The following BCAS3 variants were observed in gnomAD, a reference collection of about 807,000 sequenced individuals.
BCAS3 encodes the protein BCAS3 microtubule associated cell migration factor.
Under a neutral mutation model 116.1 loss-of-function variants are expected in BCAS3, and 53 were observed. The ratio of observed to expected loss-of-function variants is 0.46; its 90% confidence interval spans 0.37 to 0.57. BCAS3 has a LOEUF of 0.57. BCAS3 is among the 20% of genes least tolerant of loss of function. BCAS3 has a pLI of 0.00. For missense variants in BCAS3, 917 were observed against 1,165.4 expected, an observed-to-expected ratio of 0.79 and a Z score of 3.10; for synonymous variants, 391 against 408.2, an observed-to-expected ratio of 0.96 and a Z score of 0.51.
At chr17:60,876,515 T>C (rs1477084789) in intron 9 of BCAS3, among the ~76,000 whole-genome samples, 1 of 152,132 alleles carries the variant, frequency 6.6e-6, no homozygotes, top group Non-Finnish European at 1.5e-5. Context: ...TCCCACTGTC[T>C]GTTTGTAGAA....
chr17:61,359,257 A>G lies in BCAS3; in HGVS notation c.2426-9070A>G, dbSNP rs118182423. Among the ~76,000 whole-genome samples the G allele has an allele frequency of 3.3e-3, 505 of 152,260 alleles. 2 individuals are homozygous for G. The highest frequency in any genetic ancestry group is 4.9e-3 in the Non-Finnish European group (336 of 68,008). ...TACAGAGCCCTGGGGTAATCCTCTA[A>G]TTTTGAATGGGCCTGTGTAGCTTAC... On this transcript the variant is annotated intron_variant, in intron 22 of 23. Transcript: ENST00000407086.
At chr17:61,116,502 C>T (rs1402429720) in intron 22 of BCAS3, among the ~76,000 whole-genome samples, 1 of 152,040 alleles carries the variant, frequency 6.6e-6, no homozygotes, top group Non-Finnish European at 1.5e-5. Context: ...TTGTTTTTGC[C>T]TCAACTCTCA....
chr17:60,684,117 T>A, intron 3 of BCAS3, 81 bp downstream of exon 3: 1 of 1,291,002 alleles, frequency 7.7e-7, no homozygotes, highest in Non-Finnish European at 1.1e-6. Context: ...TTGACACTAG[T>A]ACCAGCAACT....
chr17:60,740,116 C>T (rs1334360429), intron 5 of BCAS3, among the ~76,000 whole-genome samples: 1 of 151,880 alleles, frequency 6.6e-6, no homozygotes, highest in Non-Finnish European at 1.5e-5. Context: ...CTGAGCTTAC[C>T]AGTTCTGATT....
At chr17:60,857,649 T>C (rs2053793657) in intron 7 of BCAS3, among the ~76,000 whole-genome samples, 1 of 152,200 alleles carries the variant, frequency 6.6e-6, no homozygotes, top group African/African-American at 2.4e-5. Context: ...AAGATTGTCT[T>C]GCTATGTTCC....
chr17:60,684,301 T>G (rs1296979348), intron 3 of BCAS3, among the ~76,000 whole-genome samples: 2 of 152,148 alleles, frequency 1.3e-5, no homozygotes, highest in African/African-American at 2.4e-5. Context: ...ACCTGGGACT[T>G]TCTTTCTTAG....
At chr17:60,683,292 G>C (rs1015759083) in intron 2 of BCAS3, among the ~76,000 whole-genome samples, 2 of 152,160 alleles carry the variant, frequency 1.3e-5, no homozygotes, top group African/African-American at 4.8e-5. Context: ...GCATTCTTCT[G>C]CTCTGACTCA....
Position 61,244,928 on chromosome 17 carries a change from A to G in BCAS3, c.2426-123399A>G, listed in dbSNP as rs2047815463. Reference sequence around the variant, plus strand: ...GCAATTTTTTAAAGATTTAACTGCAATTGCATAGTATTTTGTGATTTCATT... The same window carrying G: ...GCAATTTTTTAAAGATTTAACTGCAGTTGCATAGTATTTTGTGATTTCATT... On this transcript the variant is annotated intron_variant, in intron 22 of 23. Coordinates refer to ENST00000407086, the MANE Select transcript of BCAS3 (RefSeq NM_017679.5). This position sits in a 1 kb window ranked among gnomAD's most constrained non-coding sequence, Gnocchi z 4.9. Among the ~76,000 whole-genome samples the G allele has an allele frequency of 6.6e-6, 1 of 152,194 alleles. No homozygotes were observed. The highest frequency in any genetic ancestry group is 1.5e-5 in the Non-Finnish European group (1 of 68,032).
intron 22 of BCAS3, among the ~76,000 whole-genome samples, chr17:61,262,055 T>A (rs2049251876): frequency 2.0e-5 from 3 of 152,120 alleles, no homozygotes; most frequent in Non-Finnish European, 4.4e-5. Flanking sequence ...GAATAAGAAT[T>A]GGAAGAAAAT....
At chr17:61,070,938 AAAC>A (rs147209023) in intron 19 of BCAS3, among the ~76,000 whole-genome samples, 3 of 152,136 alleles carry the variant, frequency 2.0e-5, no homozygotes, top group Non-Finnish European at 2.9e-5. Flanking sequence ...CCTTTGACTA[AAAC>A]AACAACAACA....
rs1437951706 is a variant in BCAS3, at chr17:60,995,012, CTGT to C, written c.1486+4778_1486+4780del. Among the ~76,000 whole-genome samples the C allele has an allele frequency of 1.3e-5, 2 of 152,170 alleles. No individual in the cohort carries two copies. Among genetic ancestry groups the C allele is most frequent in the Non-Finnish European group, 2.9e-5 (2 of 68,030 alleles). On this transcript the variant is annotated intron_variant, in intron 15 of 23. Transcript: ENST00000407086. The surrounding 1 kb of genome is among the most constrained non-coding windows in gnomAD (Gnocchi z 4.7). The stretch of plus-strand genomic sequence containing the variant: ...TATTTTTTTGAGACGGGGTCTCGCT[CTGT>C]CACCCAGGCTGGAGTGCAGTGGCGC...
At position 60,976,927 on chromosome 17, in the gene BCAS3, T is replaced by C. The variant is rs548500788; in HGVS notation, c.1222-13044T>C. 1.4e-4 allele frequency among the ~76,000 whole-genome samples: 21 copies of C among 152,302 alleles called. No homozygotes were observed. The South Asian group carries it at 3.9e-3, about 29-fold the overall frequency. On this transcript the variant is annotated intron_variant, in intron 14 of 23. Coordinates refer to ENST00000407086, the MANE Select transcript of BCAS3 (RefSeq NM_017679.5). ...TTCGACAAAACCGCCATCGTCATCATGGCCCGTTCTCAATGAGCTGTTGGA... is the reference window on the plus strand; with the variant it reads ...TTCGACAAAACCGCCATCGTCATCACGGCCCGTTCTCAATGAGCTGTTGGA...
rs139324638 is a variant in BCAS3, at chr17:61,086,269, T to A, written c.2425+1705T>A. On this transcript the variant is annotated intron_variant, in intron 22 of 23. Coordinates refer to ENST00000407086, the MANE Select transcript of BCAS3 (RefSeq NM_017679.5). ...CACCACACCCAGCTAGTTTTTGTAT[T>A]TTTAGTAGAGATGGGGTTTCACCTT... Among the ~76,000 whole-genome samples the A allele has an allele frequency of 2.6e-3, 403 of 152,212 alleles. 3 individuals are homozygous for A. Among genetic ancestry groups the A allele is most frequent in the African/African-American group, 9.4e-3 (389 of 41,540 alleles).
Position 61,344,737 on chromosome 17 carries a change from G to T in BCAS3, c.2426-23590G>T, listed in dbSNP as rs1159996203. Among the ~76,000 whole-genome samples, 1 of 152,120 alleles carries T rather than the reference G, an allele frequency of 6.6e-6. No homozygotes were observed. The highest frequency in any genetic ancestry group is 2.4e-5 in the African/African-American group (1 of 41,404). ...GGGTGAAAGGAAGGAGGTTGTTGGA[G>T]GGACTGAGGGAGGTTCATCATGGCT... On this transcript the variant is annotated intron_variant, in intron 22 of 23. Coordinates refer to ENST00000407086, the MANE Select transcript of BCAS3 (RefSeq NM_017679.5). The surrounding 1 kb of genome is among the most constrained non-coding windows in gnomAD (Gnocchi z 4.1).
intron 22 of BCAS3, among the ~76,000 whole-genome samples, chr17:61,288,625 T>C (rs2052067136): frequency 6.6e-6 from 1 of 152,216 alleles, no homozygotes; most frequent in Non-Finnish European, 1.5e-5. Context: ...GGAGGAGTGC[T>C]TTCTTGTCTG....
rs1045635738 is a variant in BCAS3 at position 61,084,883 on chromosome 17, G to A, written c.2425+319G>A. Among the ~76,000 whole-genome samples, 4 of 152,194 alleles carry A rather than the reference G, an allele frequency of 2.6e-5. No homozygotes were observed. Among genetic ancestry groups the A allele is most frequent in the African/African-American group, 7.2e-5 (3 of 41,444 alleles). Reference sequence around the variant, plus strand: ...TGGAGAAGCAACCTTGACAGAGAACGTAAATACAATCTATGGATTCAATTT... The same window carrying A: ...TGGAGAAGCAACCTTGACAGAGAACATAAATACAATCTATGGATTCAATTT... On this transcript the variant is annotated intron_variant, in intron 22 of 23. Coordinates refer to ENST00000407086, the MANE Select transcript of BCAS3 (RefSeq NM_017679.5). This position sits in a 1 kb window ranked among gnomAD's most constrained non-coding sequence, Gnocchi z 5.5.
intron 14 of BCAS3, among the ~76,000 whole-genome samples, chr17:60,963,540 A>G (rs2061507735): frequency 6.7e-6 from 1 of 149,736 alleles, no homozygotes; most frequent in South Asian, 2.1e-4. Context: ...CTGTTGATGT[A>G]TATAAATGCT....
Position 60,854,769 on chromosome 17 carries a change from T to C in BCAS3, c.477-13807T>C, listed in dbSNP as rs141291094. 6.0e-4 allele frequency among the ~76,000 whole-genome samples: 91 copies of C among 152,208 alleles called. No homozygotes were observed. The East Asian group carries it at 0.017, about 29-fold the overall frequency. ...GTGGGACGGTAAACTAGTTCAGCCA[T>C]TGTGATTAAGTTGAAAATTTATGTC... is the stretch of plus-strand genomic sequence containing the variant. On this transcript the variant is annotated intron_variant, in intron 7 of 23. Coordinates refer to ENST00000407086, the MANE Select transcript of BCAS3 (RefSeq NM_017679.5).
chr17:60,815,793 C>CT (rs374534547), intron 7 of BCAS3, among the ~76,000 whole-genome samples: 1 of 152,174 alleles, frequency 6.6e-6, no homozygotes, highest in African/African-American at 2.4e-5. Context: ...GAAGTGTCTG[C>CT]TTAGAGACAT....
Sources: allele counts gnomAD v4.1 joint callset (sites outside exome capture counted in the v4.1 genomes callset), GRCh38; gene constraint gnomAD v4.1.1; non-coding constraint Gnocchi (gnomAD v3.1); transcripts MANE v1.5; gene names NCBI Gene and HGNC (gene_info 2026-07-23, HGNC 2026-07-21).